NTNG2: variants seen among roughly 807,000 people sequenced by gnomAD.
NTNG2 encodes netrin-G2.
In NTNG2, 15 loss-of-function variants were observed where a neutral mutation model predicts 47.6. That is an observed-to-expected ratio of 0.32 (90% CI 0.21 to 0.49). The LOEUF (loss-of-function observed/expected upper bound fraction) is 0.49, where lower values mean the gene tolerates loss of function less well. Among genes scored for constraint, NTNG2 ranks in the 20% least tolerant of loss-of-function variants. NTNG2 has a pLI of 0.99. For missense variants in NTNG2, 578 were observed against 764.6 expected (o/e 0.76, Z 2.88); for synonymous variants, 307 against 324.6 (o/e 0.95, Z 0.58).
chr9:132,185,356 C>T (rs1438398751), intron 2 of NTNG2, among the ~76,000 whole-genome samples: 4 of 152,100 alleles, frequency 2.6e-5, no homozygotes, highest in South Asian at 2.1e-4. Context: ...GGAGGGGATC[C>T]GAGGAGAGGC....
At chr9:132,238,806 G>A (rs1297815351) in intron 5 of NTNG2, among the ~76,000 whole-genome samples, 1 of 152,236 alleles carries the variant, frequency 6.6e-6, no homozygotes, top group East Asian at 1.9e-4. Context: ...TGGCCCTGGT[G>A]CCCAGCCAGG....
chr9:132,192,117 G>C (rs1023034157), intron 2 of NTNG2, among the ~76,000 whole-genome samples: 11 of 152,136 alleles, frequency 7.2e-5, no homozygotes, highest in Non-Finnish European at 1.5e-4. Context: ...GAGATGGGTG[G>C]AAACGCGCAG....
intron 2 of NTNG2, among the ~76,000 whole-genome samples, chr9:132,185,737 G>A (rs1837312365): frequency 6.6e-6 from 1 of 151,906 alleles, no homozygotes; most frequent in African/African-American, 2.4e-5. Flanking sequence ...AAGTATGAAA[G>A]TGTTGAGCTG....
At position 132,231,413 on chromosome 9, in the gene NTNG2, G is replaced by A. The variant is rs1368511658; in HGVS notation, c.1054+818G>A. 2.2e-6 allele frequency: 1 copy of A among 448,518 alleles called. No individual in the cohort carries two copies. The highest frequency in any genetic ancestry group is 2.0e-5 in the African/African-American group (1 of 49,928). 27.8% of individuals were successfully genotyped at this position (448,518 alleles called of 1,614,324 possible). A position where few individuals can be genotyped will look rare whatever the true frequency, so the allele number is the denominator to read the frequency against. On this transcript the variant is annotated intron_variant, in intron 5 of 7. Coordinates refer to ENST00000393229, the MANE Select transcript of NTNG2 (RefSeq NM_032536.4). The surrounding 1 kb of genome is among the most constrained non-coding windows in gnomAD (Gnocchi z 4.1). Reference sequence around the variant, plus strand: ...CCCAAATCTCAGAGATGCTTCTGGGGTGCACCGTCACCCTCCACCAGGGCT... The same window carrying A: ...CCCAAATCTCAGAGATGCTTCTGGGATGCACCGTCACCCTCCACCAGGGCT...
At chr9:132,172,201 TA>T (rs1835978129) in intron 2 of NTNG2, among the ~76,000 whole-genome samples, 1 of 152,174 alleles carries the variant, frequency 6.6e-6, no homozygotes, top group Non-Finnish European at 1.5e-5. Context: ...TCTACCTGGA[TA>T]ACCCTGGCTC....
intron 6 of NTNG2, chr9:132,240,519 A>T (rs1841910419): frequency 6.1e-6 from 2 of 328,162 alleles, no homozygotes; most frequent in Non-Finnish European, 1.2e-5. Flanking sequence ...GGGCCACCCC[A>T]CAACACAGCA....
At chr9:132,194,107 C>T (rs1192452037) in intron 2 of NTNG2, among the ~76,000 whole-genome samples, 1 of 152,178 alleles carries the variant, frequency 6.6e-6, no homozygotes, top group African/African-American at 2.4e-5. Context: ...AGGGCTTCAA[C>T]ATAGAAATCT....
chr9:132,166,748 C>A lies in NTNG2; in HGVS notation c.-84C>A. ...CCTCGCCTGGTAGATGTGGCATTTCCATGCTGAGGCCGCGAGTCCCGCCTG... is the reference window on the plus strand; with the variant it reads ...CCTCGCCTGGTAGATGTGGCATTTCAATGCTGAGGCCGCGAGTCCCGCCTG... On this transcript the variant is annotated 5_prime_UTR_variant, in exon 2 of 8. Coordinates refer to ENST00000393229, the MANE Select transcript of NTNG2 (RefSeq NM_032536.4). 7.5e-7 allele frequency: 1 copy of A among 1,342,118 alleles called. No individual in the cohort carries two copies. The highest frequency in any genetic ancestry group is 1.1e-6 in the Non-Finnish European group (1 of 944,812). The allele number at this position is 1,342,118 out of a possible 1,614,324, so 83.1% of individuals were successfully genotyped here.
chr9:132,224,779 A>C (rs1017589586), intron 3 of NTNG2, among the ~76,000 whole-genome samples: 1 of 152,228 alleles, frequency 6.6e-6, no homozygotes, highest in Non-Finnish European at 1.5e-5. Context: ...TTTCCAACAC[A>C]AAAGAAGATG....
chr9:132,183,351 G>A (rs11243654), intron 2 of NTNG2, among the ~76,000 whole-genome samples: 37,149 of 152,042 alleles, frequency 0.24, 4,904 homozygotes, highest in Non-Finnish European at 0.3. Context: ...TCTCTCCTGC[G>A]CTCCCCACCA....
intron 6 of NTNG2, among the ~76,000 whole-genome samples, chr9:132,239,741 C>T (rs985070133): frequency 1.3e-5 from 2 of 152,256 alleles, no homozygotes; most frequent in African/African-American, 4.8e-5. Flanking sequence ...CGCCTTGCTG[C>T]GTGCATTTGT....
intron 5 of NTNG2, among the ~76,000 whole-genome samples, chr9:132,234,308 G>A (rs1422679846): frequency 1.1e-4 from 17 of 152,342 alleles, no homozygotes; most frequent in Admixed American, 7.2e-4. Context: ...GATTCCAGGC[G>A]TGAGCCACCG....
chr9:132,217,179 G>A (rs1395793882), intron 3 of NTNG2, among the ~76,000 whole-genome samples: 1 of 152,232 alleles, frequency 6.6e-6, no homozygotes, highest in East Asian at 1.9e-4. Flanking sequence ...GCGTTTTCAC[G>A]AGGATTTGTT....
chr9:132,203,438 G>C (rs1303573091), intron 3 of NTNG2, among the ~76,000 whole-genome samples: 1 of 152,158 alleles, frequency 6.6e-6, no homozygotes, highest in Non-Finnish European at 1.5e-5. Flanking sequence ...CGATAGGGAA[G>C]GGTGTGGCCT....
rs1012511791 is a variant in NTNG2 at position 132,163,128 on chromosome 9, G to C, written c.-484+889G>C. On this transcript the variant is annotated intron_variant, in intron 1 of 7. Transcript: ENST00000393229. This position sits in a 1 kb window ranked among gnomAD's most constrained non-coding sequence, Gnocchi z 7.2. ...AAAAGGGGGCGCCTCAGTCCCGGCC[G>C]GGCCTTTATTACGGGCTTAATTATT... 1.3e-5 allele frequency among the ~76,000 whole-genome samples: 2 copies of C among 152,152 alleles called. No individual in the cohort carries two copies. Among genetic ancestry groups the C allele is most frequent in the African/African-American group, 4.8e-5 (2 of 41,444 alleles).
chr9:132,198,627 C>G lies in NTNG2; in HGVS notation c.857+18C>G. 1 of 1,595,598 alleles carries G rather than the reference C, an allele frequency of 6.3e-7. No homozygotes were observed. Among genetic ancestry groups the G allele is most frequent in the Non-Finnish European group, 8.6e-7 (1 of 1,167,792 alleles). On this transcript the variant is annotated intron_variant, in intron 3 of 7. Coordinates refer to ENST00000393229, the MANE Select transcript of NTNG2 (RefSeq NM_032536.4). ...ATCGGCAGGTAAGGCCGGGGGAAGC[C>G]CTGGATGTCACCTGCAACCTGGGAT...
chr9:132,217,040 G>T (rs190894450), intron 3 of NTNG2, among the ~76,000 whole-genome samples: 1 of 152,286 alleles, frequency 6.6e-6, no homozygotes, highest in East Asian at 1.9e-4. Context: ...GCAGCAGGTG[G>T]CTGTGAGATC....
intron 3 of NTNG2, among the ~76,000 whole-genome samples, chr9:132,216,235 C>T (rs1411862513): frequency 6.6e-6 from 1 of 152,162 alleles, no homozygotes; most frequent in East Asian, 1.9e-4. Context: ...TCCTCCCTTG[C>T]TTCTTTCTGC....
intron 3 of NTNG2, among the ~76,000 whole-genome samples, chr9:132,219,846 C>T (rs1471240123): frequency 1.3e-5 from 2 of 152,182 alleles, no homozygotes; most frequent in African/African-American, 2.4e-5. Context: ...GACATGTTTT[C>T]GTTTCTCTTG....
Sources: gnomAD v4.1 joint callset for allele counts (sites outside exome capture counted in the v4.1 genomes callset) on GRCh38, gnomAD v4.1.1 for gene constraint, Gnocchi (gnomAD v3.1) non-coding constraint, MANE v1.5 for transcripts, NCBI Gene and HGNC (gene_info 2026-07-23, HGNC 2026-07-21) for gene names.